Variants in PCCA observed in about 807,000 individuals in gnomAD.
The protein encoded by PCCA is propionyl-CoA carboxylase subunit alpha.
A neutral mutation model predicts 101.3 loss-of-function variants in PCCA; 74 were observed. That is an observed-to-expected ratio of 0.73 (90% CI 0.61 to 0.89). PCCA has a LOEUF of 0.89. Ranked by LOEUF, PCCA falls within the 40% of genes least tolerant of loss-of-function variation. The pLI, the probability that PCCA is intolerant of heterozygous loss-of-function variation, is 0.00. For synonymous variants in PCCA, 294 were observed against 313.6 expected, an observed-to-expected ratio of 0.94 and a Z score of 0.66; for missense variants, 891 against 907.0, an observed-to-expected ratio of 0.98 and a Z score of 0.23.
At chr13:100,356,131 C>T (rs917572922) in intron 18 of PCCA, among the ~76,000 whole-genome samples, 4 of 152,194 alleles carry the variant, frequency 2.6e-5, no homozygotes, top group Admixed American at 2.6e-4. Flanking sequence ...GAATCATAGA[C>T]CTAAATGTAA....
chr13:100,516,191 T>G (rs2086819217), intron 22 of PCCA, among the ~76,000 whole-genome samples: 1 of 152,216 alleles, frequency 6.6e-6, no homozygotes, highest in Non-Finnish European at 1.5e-5. Flanking sequence ...AAATCTCTAC[T>G]GATGAGCAGC....
At chr13:100,423,905 G>A (rs896132235) in intron 19 of PCCA, among the ~76,000 whole-genome samples, 2 of 152,210 alleles carry the variant, frequency 1.3e-5, no homozygotes. Context: ...GCTTTGCTAC[G>A]AGGGCCTGGG....
chr13:100,437,650 T>G (rs1442871263), intron 20 of PCCA, among the ~76,000 whole-genome samples: 1 of 150,318 alleles, frequency 6.7e-6, no homozygotes, highest in Non-Finnish European at 1.5e-5. Context: ...TATTTAAAAT[T>G]TCTTTGTTTT....
chr13:100,509,569 C>T (rs893430046), intron 21 of PCCA, among the ~76,000 whole-genome samples: 4 of 152,254 alleles, frequency 2.6e-5, no homozygotes, highest in Admixed American at 1.3e-4. Flanking sequence ...GATTTTAAAA[C>T]GGAAGCTTTT....
At chr13:100,223,317 C>T (rs1458267123) in intron 7 of PCCA, among the ~76,000 whole-genome samples, 5 of 152,096 alleles carry the variant, frequency 3.3e-5, no homozygotes, top group Admixed American at 6.6e-5. Context: ...TAAGGTGGCG[C>T]GTCTGGAGTT....
chr13:100,141,190 C>T (rs1025833420), intron 4 of PCCA, among the ~76,000 whole-genome samples: 4 of 152,150 alleles, frequency 2.6e-5, no homozygotes, highest in African/African-American at 9.7e-5. Flanking sequence ...TTTTCTTCTA[C>T]CATCCTTTCC....
chr13:100,422,070 T>TTTTCTTTCTTTCTTTCTTTC (rs1555454057), intron 19 of PCCA, among the ~76,000 whole-genome samples: 1 of 110,666 alleles, frequency 9.0e-6, no homozygotes. Context: ...TTCTCTTTTC[T>TTTTCTTTCTTTCTTTCTTTC]TTTCTTTCTT....
intron 20 of PCCA, among the ~76,000 whole-genome samples, chr13:100,435,576 A>T (rs1279266288): frequency 6.6e-6 from 1 of 152,166 alleles, no homozygotes; most frequent in Non-Finnish European, 1.5e-5. Context: ...GTTTAATATT[A>T]CCCATTAAAT....
intron 22 of PCCA, among the ~76,000 whole-genome samples, chr13:100,526,805 A>G (rs837334): frequency 0.59 from 90,406 of 152,266 alleles, 27,112 homozygotes; most frequent in South Asian, 0.79. Flanking sequence ...GGGAAGCCTC[A>G]CGCTTAACGC....
chr13:100,481,830 G>A (rs2083964550), intron 21 of PCCA, among the ~76,000 whole-genome samples: 1 of 152,282 alleles, frequency 6.6e-6, no homozygotes, highest in Non-Finnish European at 1.5e-5. Flanking sequence ...ACAGGTAAAT[G>A]AAACCTTGGA....
intron 7 of PCCA, among the ~76,000 whole-genome samples, chr13:100,221,937 A>G (rs1461946997): frequency 6.6e-6 from 1 of 151,918 alleles, no homozygotes; most frequent in Non-Finnish European, 1.5e-5. Context: ...GGGTTTCGCC[A>G]TATTGGCCAG....
At chr13:100,508,794 G>A (rs837294) in intron 21 of PCCA, among the ~76,000 whole-genome samples, 7,120 of 152,140 alleles carry the variant, frequency 0.047, 526 homozygotes, top group African/African-American at 0.15. Context: ...CTTTCTATTT[G>A]TGTTGCCTTA....
At chr13:100,133,725 A>G (rs1185884314) in intron 4 of PCCA, among the ~76,000 whole-genome samples, 1 of 152,164 alleles carries the variant, frequency 6.6e-6, no homozygotes, top group Non-Finnish European at 1.5e-5. Context: ...CAAGGGTGTT[A>G]CCAAAGGAGG....
intron 14 of PCCA, among the ~76,000 whole-genome samples, chr13:100,306,742 A>G (rs1441866485): frequency 6.6e-6 from 1 of 152,184 alleles, no homozygotes; most frequent in Non-Finnish European, 1.5e-5. Context: ...TGAGAGGGTG[A>G]GGCAGAAAAG....
At chr13:100,092,609 G>T (rs1385509304) in intron 1 of PCCA, among the ~76,000 whole-genome samples, 1 of 152,070 alleles carries the variant, frequency 6.6e-6, no homozygotes, top group Non-Finnish European at 1.5e-5. Context: ...GCCCAGGCTG[G>T]TCTCAAACTC....
chr13:100,226,893 GTTA>G (rs924058750), intron 7 of PCCA, among the ~76,000 whole-genome samples: 1 of 152,194 alleles, frequency 6.6e-6, no homozygotes, highest in African/African-American at 2.4e-5. Context: ...GATAGATACT[GTTA>G]TTATGTCCAT....
intron 19 of PCCA, among the ~76,000 whole-genome samples, chr13:100,413,053 A>G (rs2078149065): frequency 6.6e-6 from 1 of 152,214 alleles, no homozygotes; most frequent in South Asian, 2.1e-4. Flanking sequence ...CCAGAGGCTA[A>G]AAAACAGAAT....
At chr13:100,194,462 G>A (rs1454441365) in intron 6 of PCCA, among the ~76,000 whole-genome samples, 2 of 152,142 alleles carry the variant, frequency 1.3e-5, no homozygotes, top group Non-Finnish European at 2.9e-5. Context: ...CTGTCGCCCA[G>A]GCTGGAGTGC....
At chr13:100,204,420 G>A (rs143963430) in intron 6 of PCCA, among the ~76,000 whole-genome samples, 70 of 152,312 alleles carry the variant, frequency 4.6e-4, no homozygotes, top group Admixed American at 2.3e-3. Flanking sequence ...GATTACAGGC[G>A]TGACCCACTG....
Sources: allele counts gnomAD v4.1 joint callset (sites outside exome capture counted in the v4.1 genomes callset), GRCh38; gene constraint gnomAD v4.1.1; transcripts MANE v1.5; gene names NCBI Gene and HGNC (gene_info 2026-07-23, HGNC 2026-07-21).